TTC27: variants seen among roughly 807,000 people sequenced by gnomAD.
TTC27 encodes tetratricopeptide repeat domain 27.
In TTC27, 79 loss-of-function variants were observed where a neutral mutation model predicts 115.9. That is an observed-to-expected ratio of 0.68 (90% CI 0.57 to 0.82). The LOEUF (loss-of-function observed/expected upper bound fraction) is 0.82. TTC27 is among the 40% of genes least tolerant of loss of function. The pLI is 0.00. For missense variants in TTC27, 1,054 were observed against 993.1 expected (o/e 1.06, Z -0.82); for synonymous variants, 401 against 356.0 (o/e 1.13, Z -1.42).
At chr2:32,640,184 C>T (rs1664586612) in intron 3 of TTC27, 86 bp from the exon 4 acceptor site, 1 of 1,301,244 alleles carries the variant, frequency 7.7e-7, no homozygotes. Flanking sequence ...GCTGAGTTGA[C>T]TGGAAAATCT....
At chr2:32,757,932 C>A (rs1669296209) in intron 12 of TTC27, among the ~76,000 whole-genome samples, 1 of 152,188 alleles carries the variant, frequency 6.6e-6, no homozygotes, top group South Asian at 2.1e-4. Context: ...GAACTCCTGA[C>A]CTCAGGCAAT....
intron 3 of TTC27, among the ~76,000 whole-genome samples, chr2:32,636,253 G>C (rs1358545651): frequency 6.6e-6 from 1 of 152,004 alleles, no homozygotes. Flanking sequence ...TCACTCTGTC[G>C]CCCAGGCTGG....
At chr2:32,692,022 T>C (rs1666828753) in intron 9 of TTC27, among the ~76,000 whole-genome samples, 1 of 144,144 alleles carries the variant, frequency 6.9e-6, no homozygotes, top group South Asian at 2.2e-4. Flanking sequence ...GGATATTCTT[T>C]TTTAATTTTT....
At chr2:32,819,824 C>A (rs762035938) in intron 19 of TTC27, among the ~76,000 whole-genome samples, 1 of 152,324 alleles carries the variant, frequency 6.6e-6, no homozygotes, top group East Asian at 1.9e-4. Flanking sequence ...TTGGGACTCT[C>A]AGCAAATTAT....
chr2:32,756,986 A>T (rs986135946), intron 12 of TTC27, among the ~76,000 whole-genome samples: 1 of 152,248 alleles, frequency 6.6e-6, no homozygotes, highest in Admixed American at 6.5e-5. Flanking sequence ...TATGAGAATA[A>T]TGCCGAAGTC....
chr2:32,758,655 T>C (rs1669328814), intron 13 of TTC27, 136 bp downstream of exon 13: 1 of 785,406 alleles, frequency 1.3e-6, no homozygotes, highest in Non-Finnish European at 2.0e-6. Flanking sequence ...TAGTCTCTAA[T>C]AGACTTTTTG....
intron 14 of TTC27, among the ~76,000 whole-genome samples, chr2:32,781,315 G>A (rs1262674629): frequency 6.6e-6 from 1 of 152,070 alleles, no homozygotes; most frequent in South Asian, 2.1e-4. Flanking sequence ...TAACTGCTTT[G>A]AAATCCTGTG....
chr2:32,780,369 CT>C (rs1670133705), intron 14 of TTC27, among the ~76,000 whole-genome samples: 1 of 151,904 alleles, frequency 6.6e-6, no homozygotes, highest in African/African-American at 2.4e-5. Flanking sequence ...AGTTTTACAC[CT>C]CTTTTGTTAA....
chr2:32,659,791 T>G (rs895648370), intron 5 of TTC27, among the ~76,000 whole-genome samples: 1 of 152,172 alleles, frequency 6.6e-6, no homozygotes, highest in African/African-American at 2.4e-5. Flanking sequence ...CCGTGTTAGT[T>G]TGCTGAGAAT....
chr2:32,739,291 A>G (rs1668548484), intron 12 of TTC27, among the ~76,000 whole-genome samples: 1 of 152,208 alleles, frequency 6.6e-6, no homozygotes, highest in African/African-American at 2.4e-5. Context: ...TTTTGAAATA[A>G]TAATATTTGA....
At chr2:32,665,507 G>C (rs976479211) in intron 6 of TTC27, among the ~76,000 whole-genome samples, 2 of 152,160 alleles carry the variant, frequency 1.3e-5, no homozygotes, top group Non-Finnish European at 2.9e-5. Context: ...TGTTTTCTAA[G>C]TTAGAGTTGA....
intron 14 of TTC27, chr2:32,780,009 T>C (rs1173847131): frequency 1.2e-5 from 5 of 422,480 alleles, no homozygotes; most frequent in Admixed American, 2.4e-5. Flanking sequence ...TTATGGTCCA[T>C]CAATCACATT....
chr2:32,708,018 AACCC>A (rs1667436814), intron 10 of TTC27, among the ~76,000 whole-genome samples: 1 of 152,128 alleles, frequency 6.6e-6, no homozygotes, highest in Non-Finnish European at 1.5e-5. Context: ...ATCTAAAGAG[AACCC>A]AGTGGTCAAA....
In TTC27 at chr2:32,678,924, T is replaced by C; in HGVS notation, c.1119+2T>C. ...GTGGAGCTTCTGGCATTTACATCAG[T>C]GAGTAATGTCTTTTTCTCTTCCATT... On this transcript the variant is annotated splice_donor_variant, in intron 9 of 19. Coordinates refer to ENST00000317907, the MANE Select transcript of TTC27 (RefSeq NM_017735.5). LOFTEE classifies it high-confidence loss of function. 1 of 1,612,186 alleles carries C rather than the reference T, an allele frequency of 6.2e-7. No homozygotes were observed. Among genetic ancestry groups the C allele is most frequent in the Non-Finnish European group, 8.5e-7 (1 of 1,178,536 alleles).
intron 4 of TTC27, among the ~76,000 whole-genome samples, chr2:32,644,481 AC>A (rs1664774695): frequency 6.6e-6 from 1 of 152,172 alleles, no homozygotes; most frequent in Non-Finnish European, 1.5e-5. Context: ...GAGGCAAGTT[AC>A]CTTAATTTCT....
intron 9 of TTC27, among the ~76,000 whole-genome samples, chr2:32,680,656 A>T (rs1204471490): frequency 6.6e-6 from 1 of 152,182 alleles, no homozygotes; most frequent in Non-Finnish European, 1.5e-5. Flanking sequence ...ACAAGTGTCT[A>T]GGTGATGAAT....
At chr2:32,812,993 A>G (rs1251633640) in intron 18 of TTC27, among the ~76,000 whole-genome samples, 1 of 152,214 alleles carries the variant, frequency 6.6e-6, no homozygotes, top group Non-Finnish European at 1.5e-5. Flanking sequence ...TCTCTGGGGT[A>G]CATAGCAGTA....
chr2:32,714,985 T>C (rs1459875326), intron 10 of TTC27, among the ~76,000 whole-genome samples: 3 of 152,174 alleles, frequency 2.0e-5, no homozygotes, highest in Non-Finnish European at 4.4e-5. Context: ...ATCAGACCTT[T>C]GTTGGATGCA....
In TTC27 at chr2:32,628,328, C is replaced by A; in HGVS notation, c.36C>A (p.Phe12Leu). 1.2e-6 allele frequency: 2 copies of A among 1,607,646 alleles called. No individual in the cohort carries two copies. Among genetic ancestry groups the A allele is most frequent in the East Asian group, 2.2e-5 (1 of 44,536 alleles). The change falls in exon 1 of 20, where the codon TTC becomes TTA. Residue 12 changes from phenylalanine (F) to leucine (L), a missense_variant. Coordinates refer to ENST00000317907, the MANE Select transcript of TTC27 (RefSeq NM_017735.5). ...CGGAGCTGGCAATTCTGAGGGGATT[C>A]CCCACTGAGGCTGAGCGGCAGCAAT... ...WTPELAILRG[F>L]PTEAERQQWK...
Sources: allele counts gnomAD v4.1 joint callset (sites outside exome capture counted in the v4.1 genomes callset), GRCh38; gene constraint gnomAD v4.1.1; transcripts MANE v1.5; gene names NCBI Gene and HGNC (gene_info 2026-07-23, HGNC 2026-07-21).